The following CLIP4 variants were observed in gnomAD, a reference collection of about 807,000 sequenced individuals.
CLIP4 encodes the protein CAP-Gly domain-containing linker protein 4.
In CLIP4, 47 loss-of-function variants were observed where a neutral mutation model predicts 73.1. The observed-to-expected ratio is 0.64, with a 90% CI of 0.51 to 0.82. The LOEUF is 0.82. Among genes scored for constraint, CLIP4 ranks in the 40% least tolerant of loss-of-function variants. The pLI, the probability that CLIP4 is intolerant of heterozygous loss-of-function variation, is 0.00. For missense variants in CLIP4, 874 were observed against 852.9 expected (o/e 1.02, Z -0.31); for synonymous variants, 306 against 295.4 (o/e 1.04, Z -0.37).
intron 7 of CLIP4, 37 bp from the exon 8 acceptor site, chr2:29,145,195 A>T (rs915654278): frequency 1.3e-6 from 2 of 1,590,214 alleles, no homozygotes; most frequent in African/African-American, 2.7e-5. Flanking sequence ...AATTACTAAT[A>T]ATTCCCCAAA....
At chr2:29,140,185 C>T (rs1458534527) in intron 6 of CLIP4, among the ~76,000 whole-genome samples, 5 of 152,004 alleles carry the variant, frequency 3.3e-5, no homozygotes, top group Admixed American at 2.0e-4. Context: ...CCCATTAACT[C>T]GTCGTTTAGC....
At chr2:29,134,421 A>G (rs919485498) in intron 5 of CLIP4, among the ~76,000 whole-genome samples, 19 of 152,210 alleles carry the variant, frequency 1.2e-4, no homozygotes, top group African/African-American at 4.1e-4. Flanking sequence ...GTTAAAGTGT[A>G]CAATATTTTC....
Position 29,160,350 on chromosome 2 carries a change from A to G in CLIP4, c.1417A>G (p.Thr473Ala). 1 of 1,614,096 alleles carries G rather than the reference A, an allele frequency of 6.2e-7. No individual in the cohort carries two copies. Among genetic ancestry groups the G allele is most frequent in the Non-Finnish European group, 8.5e-7 (1 of 1,180,012 alleles). Residue 473 changes from threonine (T) to alanine (A), a missense_variant, in exon 12 of 16, where the codon ACA becomes GCA. Transcript: ENST00000320081. ...TTAAACAGGTTTGAATTCCTCAGCA[A>G]CATCTACAGCAAATAATAGCCGTTG... ...RASAGLNSSA[T>A]STANNSRCEG...
chr2:29,135,457 TAA>T, intron 5 of CLIP4, 89 bp from the exon 6 acceptor site: 1 of 827,544 alleles, frequency 1.2e-6, no homozygotes, highest in Non-Finnish European at 1.9e-6. Context: ...ACAAATGCTA[TAA>T]GTCCCTCCTC....
At chr2:29,162,501 T>A (rs1558569919) in intron 12 of CLIP4, among the ~76,000 whole-genome samples, 1 of 152,216 alleles carries the variant, frequency 6.6e-6, no homozygotes, top group Non-Finnish European at 1.5e-5. Context: ...GTCTTTATTG[T>A]TAACACTTGT....
At chr2:29,156,749 C>T (rs1666950624) in intron 10 of CLIP4, among the ~76,000 whole-genome samples, 1 of 152,176 alleles carries the variant, frequency 6.6e-6, no homozygotes, top group African/African-American at 2.4e-5. Context: ...TTGCCTTTAG[C>T]TATCAAATCA....
chr2:29,161,699 G>GT (rs1179746938), intron 12 of CLIP4, among the ~76,000 whole-genome samples: 7 of 152,166 alleles, frequency 4.6e-5, no homozygotes, highest in Non-Finnish European at 8.8e-5. Flanking sequence ...CACAGCCAGT[G>GT]TTTTTTGTTC....
intron 1 of CLIP4, among the ~76,000 whole-genome samples, chr2:29,098,926 C>T (rs1394642827): frequency 2.0e-5 from 3 of 152,168 alleles, no homozygotes; most frequent in East Asian, 1.9e-4. Context: ...AGTGGCATCT[C>T]ATGGTTGTTT....
At chr2:29,165,340 G>A (rs1342936563) in intron 13 of CLIP4, among the ~76,000 whole-genome samples, 3 of 152,016 alleles carry the variant, frequency 2.0e-5, no homozygotes, top group Non-Finnish European at 4.4e-5. Context: ...GCTGGGGTCT[G>A]TTTGCAGGGC....
intron 10 of CLIP4, 124 bp from the exon 11 acceptor site, chr2:29,157,080 T>G: frequency 1.3e-6 from 1 of 766,362 alleles, no homozygotes; most frequent in Non-Finnish European, 2.2e-6. Context: ...GCATTTAATT[T>G]GACACTAGAT....
intron 6 of CLIP4, among the ~76,000 whole-genome samples, chr2:29,141,339 C>G (rs1378668129): frequency 6.6e-6 from 1 of 152,156 alleles, no homozygotes; most frequent in East Asian, 1.9e-4. Flanking sequence ...CCTATTAAGT[C>G]TAACTGGTCA....
chr2:29,109,390 ACAT>A (rs1463869604), intron 1 of CLIP4, among the ~76,000 whole-genome samples: 1 of 152,198 alleles, frequency 6.6e-6, no homozygotes, highest in Non-Finnish European at 1.5e-5. Context: ...AAATAAAAAT[ACAT>A]CATAATTGCA....
At chr2:29,135,320 A>G (rs1665272657) in intron 5 of CLIP4, among the ~76,000 whole-genome samples, 1 of 152,162 alleles carries the variant, frequency 6.6e-6, no homozygotes, top group Non-Finnish European at 1.5e-5. Context: ...AAAATCCAAG[A>G]TAATATCACT....
intron 15 of CLIP4, among the ~76,000 whole-genome samples, chr2:29,178,336 T>G (rs960994596): frequency 1.3e-5 from 2 of 152,214 alleles, no homozygotes; most frequent in Non-Finnish European, 2.9e-5. Flanking sequence ...CATACCACCA[T>G]GCCTAGCTAA....
intron 6 of CLIP4, among the ~76,000 whole-genome samples, chr2:29,139,081 A>C (rs184247454): frequency 3.3e-5 from 5 of 152,214 alleles, no homozygotes; most frequent in Middle Eastern, 3.4e-3. Flanking sequence ...TTTTGTTCCA[A>C]TTCTCAGGAG....
chr2:29,152,007 G>T (rs892811379), intron 8 of CLIP4, among the ~76,000 whole-genome samples: 2 of 152,066 alleles, frequency 1.3e-5, no homozygotes, highest in Admixed American at 1.3e-4. Flanking sequence ...GGACCTGAGG[G>T]CCAGGCCTTT....
intron 6 of CLIP4, among the ~76,000 whole-genome samples, chr2:29,143,212 A>G (rs1002775380): frequency 6.6e-6 from 1 of 152,192 alleles, no homozygotes; most frequent in Admixed American, 6.5e-5. Flanking sequence ...CTCTCCGTTT[A>G]GGACCTGAGC....
chr2:29,133,797 GA>G lies in CLIP4; in HGVS notation c.514del (p.Thr172HisfsTer32). ...TCCCTGAACTTATAAGAGTGATTTT[GA>G]AAACATCGAAACCAAAAGGCAAGTA... ...DVPELIRVILKTSKPKDVDAT... is the reference protein window; with the variant it reads ...DVPELIRVILXTSKPKDVDAT... On this transcript the variant is annotated frameshift_variant, in exon 5 of 16. Transcript: ENST00000320081. LOFTEE classifies it high-confidence loss of function. 1.9e-6 allele frequency: 3 copies of G among 1,606,546 alleles called. No homozygotes were observed. Among genetic ancestry groups the G allele is most frequent in the Non-Finnish European group, 2.5e-6 (3 of 1,177,732 alleles).
chr2:29,163,411 A>C (rs1667414143), intron 12 of CLIP4, among the ~76,000 whole-genome samples: 1 of 152,150 alleles, frequency 6.6e-6, no homozygotes, highest in African/African-American at 2.4e-5. Flanking sequence ...TTAGGTGAGT[A>C]AGATGAAAAG....
Sources: allele counts gnomAD v4.1 joint callset (sites outside exome capture counted in the v4.1 genomes callset), GRCh38; gene constraint gnomAD v4.1.1; transcripts MANE v1.5; gene names NCBI Gene and HGNC (gene_info 2026-07-23, HGNC 2026-07-21).